The following CERS6 variants were observed in gnomAD, a reference collection of about 807,000 sequenced individuals.
CERS6 encodes the protein LAG1 homolog, ceramide synthase 6.
CERS6 carries 26 observed loss-of-function variants against 56.8 expected under a neutral mutation model. The observed-to-expected ratio is 0.46, with a 90% CI of 0.34 to 0.63. CERS6 has a LOEUF of 0.63. Ranked by LOEUF, CERS6 falls within the 30% of genes least tolerant of loss-of-function variation. The pLI, the probability that CERS6 is intolerant of heterozygous loss-of-function variation, is 0.01. For missense variants in CERS6, 415 were observed against 467.5 expected (o/e 0.89, Z 1.04); for synonymous variants, 164 against 173.3 (o/e 0.95, Z 0.42).
At chr2:168,582,863 G>A (rs1683450922) in intron 3 of CERS6, 1 of 154,314 alleles carries the variant, frequency 6.5e-6, no homozygotes, top group African/African-American at 2.4e-5. Context: ...TCCTTCCCAA[G>A]CACCCACAGT....
At chr2:168,594,122 C>T (rs905020625) in intron 3 of CERS6, among the ~76,000 whole-genome samples, 1 of 152,118 alleles carries the variant, frequency 6.6e-6, no homozygotes, top group African/African-American at 2.4e-5. Flanking sequence ...ATCATGAATA[C>T]TTTCCCATTA....
At chr2:168,608,311 A>G (rs571645558) in intron 3 of CERS6, among the ~76,000 whole-genome samples, 1 of 152,348 alleles carries the variant, frequency 6.6e-6, no homozygotes, top group South Asian at 2.1e-4. Flanking sequence ...GCTACTATGA[A>G]TAATGCTGCT....
At chr2:168,518,954 T>C (rs959943428) in intron 1 of CERS6, among the ~76,000 whole-genome samples, 4 of 152,064 alleles carry the variant, frequency 2.6e-5, no homozygotes, top group Non-Finnish European at 5.9e-5. Flanking sequence ...CAGTCAGCAG[T>C]TCCCAACCTG....
chr2:168,533,009 G>A (rs181298806), intron 1 of CERS6, among the ~76,000 whole-genome samples: 2 of 152,226 alleles, frequency 1.3e-5, no homozygotes, highest in Admixed American at 1.3e-4. Context: ...CAAATTTAAA[G>A]TAGTACAGAA....
At chr2:168,674,755 A>G (rs867665467) in intron 4 of CERS6, among the ~76,000 whole-genome samples, 1 of 152,102 alleles carries the variant, frequency 6.6e-6, no homozygotes, top group Non-Finnish European at 1.5e-5. Context: ...GCTCCATGTG[A>G]TATTCAGAGA....
At chr2:168,684,987 C>A (rs1686310634) in intron 4 of CERS6, among the ~76,000 whole-genome samples, 1 of 152,096 alleles carries the variant, frequency 6.6e-6, no homozygotes, top group Non-Finnish European at 1.5e-5. Flanking sequence ...TGAGTGTTTT[C>A]TCAGAGTAGT....
chr2:168,576,091 C>A (rs1357820121), intron 3 of CERS6, among the ~76,000 whole-genome samples: 2 of 152,072 alleles, frequency 1.3e-5, no homozygotes, highest in South Asian at 4.2e-4. Flanking sequence ...TCCATCATCC[C>A]AGTGAAATAG....
intron 1 of CERS6, among the ~76,000 whole-genome samples, chr2:168,544,222 CTG>C (rs559265811): frequency 2.4e-3 from 366 of 152,298 alleles, no homozygotes; most frequent in African/African-American, 8.3e-3. Flanking sequence ...CTCTCACTGT[CTG>C]TCTCTGCATC....
rs139914279 is a variant in CERS6 at position 168,658,536 on chromosome 2, A to G, written c.465+27494A>G. On this transcript the variant is annotated intron_variant, in intron 4 of 9. Coordinates refer to ENST00000305747, the MANE Select transcript of CERS6 (RefSeq NM_203463.3). ...AAGGCATGGGAGTCTGCACCTAGCC[A>G]GCAAAGACCATAGTCATCCCCAGCG... 4.5e-3 allele frequency among the ~76,000 whole-genome samples: 687 copies of G among 152,370 alleles called. 3 individuals are homozygous for G. The highest frequency in any genetic ancestry group is 5.3e-3 in the Non-Finnish European group (361 of 68,030).
intron 1 of CERS6, among the ~76,000 whole-genome samples, chr2:168,546,132 A>G (rs1695461850): frequency 6.6e-6 from 1 of 152,190 alleles, no homozygotes; most frequent in South Asian, 2.1e-4. Context: ...ATTGCCCACT[A>G]AATTCCTTCT....
At chr2:168,630,175 T>A (rs1021633461) in intron 3 of CERS6, among the ~76,000 whole-genome samples, 10 of 151,844 alleles carry the variant, frequency 6.6e-5, no homozygotes, top group South Asian at 2.1e-4. Flanking sequence ...TTTTTTTTTT[T>A]ATGATATCAG....
At chr2:168,694,299 A>AT (rs1274466851) in intron 5 of CERS6, among the ~76,000 whole-genome samples, 1 of 152,112 alleles carries the variant, frequency 6.6e-6, no homozygotes, top group Non-Finnish European at 1.5e-5. Flanking sequence ...TATCACTCCC[A>AT]TTTTACAAAT....
intron 3 of CERS6, among the ~76,000 whole-genome samples, chr2:168,600,494 A>G (rs867924606): frequency 1.3e-5 from 2 of 152,046 alleles, no homozygotes; most frequent in African/African-American, 2.4e-5. Flanking sequence ...GTGAGCCACC[A>G]CGCCCGGCCT....
chr2:168,534,711 C>T (rs1193404061), intron 1 of CERS6, among the ~76,000 whole-genome samples: 1 of 152,158 alleles, frequency 6.6e-6, no homozygotes, highest in East Asian at 1.9e-4. Context: ...TGTTGGGTGG[C>T]ATGGGGAACA....
intron 1 of CERS6, 103 bp from the exon 2 acceptor site, chr2:168,547,493 A>T: frequency 1.6e-6 from 1 of 620,042 alleles, no homozygotes; most frequent in Non-Finnish European, 2.8e-6. Context: ...AATCCTACCA[A>T]CACTTTATTG....
chr2:168,769,253 CAATATGGAAAGAT>C (rs1344353338), intron 9 of CERS6, among the ~76,000 whole-genome samples: 1 of 152,112 alleles, frequency 6.6e-6, no homozygotes, highest in Non-Finnish European at 1.5e-5. Context: ...AGTATGTTCT[CAATATGGAAAGAT>C]ACCTTAAAGA....
At chr2:168,627,417 C>T (rs1255970939) in intron 3 of CERS6, among the ~76,000 whole-genome samples, 1 of 152,168 alleles carries the variant, frequency 6.6e-6, no homozygotes, top group Non-Finnish European at 1.5e-5. Flanking sequence ...TTTAGAGCCT[C>T]TGAATATATG....
intron 1 of CERS6, among the ~76,000 whole-genome samples, chr2:168,504,659 G>T (rs990998225): frequency 1.3e-5 from 2 of 150,364 alleles, no homozygotes; most frequent in African/African-American, 2.5e-5. Flanking sequence ...GCGTAGTGGG[G>T]TGCTGAGGTA....
chr2:168,642,201 G>A (rs773755805), intron 4 of CERS6, among the ~76,000 whole-genome samples: 24 of 152,016 alleles, frequency 1.6e-4, no homozygotes, highest in South Asian at 4.2e-4. Flanking sequence ...ACAAAACGCC[G>A]TCTCTACAAA....
Sources: allele counts gnomAD v4.1 joint callset (sites outside exome capture counted in the v4.1 genomes callset), GRCh38; gene constraint gnomAD v4.1.1; transcripts MANE v1.5; gene names NCBI Gene and HGNC (gene_info 2026-07-23, HGNC 2026-07-21).